MYO16: variants seen among roughly 807,000 people sequenced by gnomAD.
MYO16 encodes the protein unconventional myosin-XVI.
MYO16 carries 94 observed loss-of-function variants against 205.3 expected under a neutral mutation model. The observed-to-expected ratio is 0.46, with a 90% CI of 0.39 to 0.54. The LOEUF is 0.54. MYO16 is among the 20% of genes least tolerant of loss of function. The pLI, the probability that MYO16 is intolerant of heterozygous loss-of-function variation, is 0.00. For synonymous variants in MYO16, 988 were observed against 954.0 expected (o/e 1.04, Z -0.66); for missense variants, 2,315 against 2,387.5 (o/e 0.97, Z 0.63).
rs1878996902 is a variant in MYO16 at position 108,607,351 on chromosome 13, T to G, written c.-39+11112T>G. ...TCTTGAATTTTAACCTGGATTGTAATCCCTACGTGTTGGGGGAGGGACCAT... is the reference window on the plus strand; with the variant it reads ...TCTTGAATTTTAACCTGGATTGTAAGCCCTACGTGTTGGGGGAGGGACCAT... On this transcript the variant is annotated intron_variant, in intron 1 of 24. Transcript: ENST00000251041. Among the ~76,000 whole-genome samples, 3 of 152,134 alleles carry G rather than the reference T, an allele frequency of 2.0e-5. No homozygotes were observed. The South Asian group carries it at 6.2e-4, about 32-fold the overall frequency.
chr13:109,034,498 A>G (rs898373614), intron 23 of MYO16, among the ~76,000 whole-genome samples: 1 of 152,142 alleles, frequency 6.6e-6, no homozygotes, highest in Non-Finnish European at 1.5e-5. Context: ...GCCTTCCGCC[A>G]TGATTGTAAG....
chr13:108,522,478 G>A, the MYO16 span, among the ~76,000 whole-genome samples: 82 of 152,190 alleles, frequency 5.4e-4, no homozygotes, highest in African/African-American at 1.9e-3. Context: ...CCTAGGGCTA[G>A]CATGACAAAA....
chr13:109,098,598 G>T (rs1047258100), intron 27 of MYO16, among the ~76,000 whole-genome samples: 9 of 152,182 alleles, frequency 5.9e-5, no homozygotes, highest in African/African-American at 2.2e-4. Context: ...TGCAGGCGTT[G>T]TAGTTTTCCG....
At chr13:108,963,793 A>ACACCACCCTCACTTGCTAC (rs1319136439) in intron 19 of MYO16, among the ~76,000 whole-genome samples, 71 of 152,264 alleles carry the variant, frequency 4.7e-4, no homozygotes, top group African/African-American at 1.6e-3. Context: ...TCCTCTGCTT[A>ACACCACCCTCACTTGCTAC]CACCACCCTC....
At chr13:108,613,791 A>G (rs1470941489) in intron 1 of MYO16, among the ~76,000 whole-genome samples, 1 of 152,132 alleles carries the variant, frequency 6.6e-6, no homozygotes, top group African/African-American at 2.4e-5. Context: ...AAGCCAAATG[A>G]TCGTCACAGT....
Position 109,125,497 on chromosome 13 carries a change from G to A in MYO16, c.3782+139G>A, listed in dbSNP as rs1204216844. ...AACAGGCATGCGTGGTTTGTTATTC[G>A]AAATGGCAGCAGTCTAAAAAGATGC... is the stretch of plus-strand genomic sequence containing the variant. On this transcript the variant is annotated intron_variant, in intron 30 of 34. Transcript: ENST00000457511. The surrounding 1 kb of genome is among the most constrained non-coding windows in gnomAD (Gnocchi z 4.0). 1.3e-5 allele frequency: 15 copies of A among 1,153,000 alleles called. No homozygotes were observed. The highest frequency in any genetic ancestry group is 1.7e-5 in the Non-Finnish European group (14 of 822,932). The allele number at this position is 1,153,000 out of a possible 1,614,324, so 71.4% of individuals were successfully genotyped here.
chr13:108,872,434 T>C (rs1470900257), intron 12 of MYO16, among the ~76,000 whole-genome samples: 1 of 152,056 alleles, frequency 6.6e-6, no homozygotes. Flanking sequence ...GACACTATAG[T>C]AGTATTAGGG....
At chr13:108,954,369 G>A (rs572888400) in intron 16 of MYO16, among the ~76,000 whole-genome samples, 2 of 152,296 alleles carry the variant, frequency 1.3e-5, no homozygotes, top group African/African-American at 2.4e-5. Flanking sequence ...GAAAAAAAGA[G>A]AATGTCAGGA....
At chr13:109,091,249 C>T (rs990735038) in intron 27 of MYO16, among the ~76,000 whole-genome samples, 9 of 152,128 alleles carry the variant, frequency 5.9e-5, no homozygotes, top group South Asian at 4.1e-4. Context: ...AGGGGACATC[C>T]TCATTCTATC....
intron 4 of MYO16, among the ~76,000 whole-genome samples, chr13:108,747,798 T>C (rs184315998): frequency 6.6e-6 from 1 of 152,152 alleles, no homozygotes; most frequent in Admixed American, 6.5e-5. Flanking sequence ...CCACATTGAA[T>C]ATAAAGATGC....
chr13:108,714,196 C>T (rs1883839136), intron 3 of MYO16, among the ~76,000 whole-genome samples: 1 of 152,130 alleles, frequency 6.6e-6, no homozygotes, highest in South Asian at 2.1e-4. Context: ...GCTGGGACTA[C>T]AGGCACCCGC....
At chr13:109,106,182 G>C (rs1247199480) in intron 28 of MYO16, among the ~76,000 whole-genome samples, 1 of 152,208 alleles carries the variant, frequency 6.6e-6, no homozygotes, top group Non-Finnish European at 1.5e-5. Context: ...AGAGTTCATG[G>C]ATTACCTCAC....
the MYO16 span, among the ~76,000 whole-genome samples, chr13:108,500,802 C>A: frequency 9.9e-5 from 15 of 152,216 alleles, no homozygotes; most frequent in African/African-American, 3.6e-4. Flanking sequence ...GCCATGAAAC[C>A]TGTGGCTTAA....
chr13:108,887,734 G>A (rs534604116), intron 13 of MYO16, among the ~76,000 whole-genome samples: 1 of 152,288 alleles, frequency 6.6e-6, no homozygotes, highest in South Asian at 2.1e-4. Flanking sequence ...AGGTTTAGTA[G>A]GATCTGCGGA....
the MYO16 span, among the ~76,000 whole-genome samples, chr13:108,555,093 G>T: frequency 2.0e-5 from 3 of 152,176 alleles, no homozygotes; most frequent in East Asian, 1.9e-4. Context: ...AATATTTGGG[G>T]CTGTGTGTCT....
intron 1 of MYO16, among the ~76,000 whole-genome samples, chr13:108,661,966 C>T (rs773000608): frequency 2.0e-5 from 3 of 152,096 alleles, no homozygotes; most frequent in Non-Finnish European, 2.9e-5. Flanking sequence ...TTCTTCTGTC[C>T]TATGGGGTGT....
intron 20 of MYO16, among the ~76,000 whole-genome samples, chr13:108,985,891 T>C (rs1025836432): frequency 6.6e-6 from 1 of 152,244 alleles, no homozygotes; most frequent in African/African-American, 2.4e-5. Context: ...TATTGACGTA[T>C]GTATTAGTCT....
chr13:109,109,699 C>G (rs1889225868), intron 28 of MYO16, among the ~76,000 whole-genome samples: 1 of 152,178 alleles, frequency 6.6e-6, no homozygotes, highest in Non-Finnish European at 1.5e-5. Flanking sequence ...GGAATATACT[C>G]AAGCTCTTTT....
chr13:108,728,421 C>T (rs537145569), intron 4 of MYO16, among the ~76,000 whole-genome samples: 2 of 125,746 alleles, frequency 1.6e-5, no homozygotes, highest in African/African-American at 2.6e-5. Context: ...TGTTGGTTTC[C>T]CATGCCTGCC....
Sources: gnomAD v4.1 joint callset for allele counts (sites outside exome capture counted in the v4.1 genomes callset) on GRCh38, gnomAD v4.1.1 for gene constraint, Gnocchi (gnomAD v3.1) non-coding constraint, MANE v1.5 for transcripts, NCBI Gene and HGNC (gene_info 2026-07-23, HGNC 2026-07-21) for gene names.